The following PEMT variants were observed in gnomAD, a reference collection of about 807,000 sequenced individuals.
PEMT encodes the protein phospholipid methyltransferase.
A neutral mutation model predicts 27.4 loss-of-function variants in PEMT; 23 were observed. The observed-to-expected ratio is 0.84, with a 90% CI of 0.60 to 1.19. PEMT has a LOEUF of 1.19. PEMT is among the 50% of genes most tolerant of loss of function. The pLI is 0.00. For missense variants in PEMT, 307 were observed against 310.1 expected (o/e 0.99, Z 0.07); for synonymous variants, 137 against 139.1 (o/e 0.98, Z 0.11).
At chr17:17,577,055 C>G (rs2142744415) in intron 1 of PEMT, 28 bp from the exon 2 acceptor site, 1 of 1,539,748 alleles carries the variant, frequency 6.5e-7, no homozygotes, top group Non-Finnish European at 9.0e-7. Context: ...GCATCAGCAC[C>G]ACCCAGACAC....
At chr17:17,563,855 G>T (rs1910651297) in intron 2 of PEMT, among the ~76,000 whole-genome samples, 1 of 152,180 alleles carries the variant, frequency 6.6e-6, no homozygotes, top group Non-Finnish European at 1.5e-5. Context: ...ACCCAGGAGT[G>T]GGGCACAGTC....
At chr17:17,540,406 G>A (rs1261812464) in intron 2 of PEMT, among the ~76,000 whole-genome samples, 5 of 152,194 alleles carry the variant, frequency 3.3e-5, no homozygotes, top group Non-Finnish European at 5.9e-5. Context: ...ACACGTGAGG[G>A]AGGGTGGCCA....
At chr17:17,510,442 G>A (rs890465727) in intron 4 of PEMT, among the ~76,000 whole-genome samples, 7 of 152,208 alleles carry the variant, frequency 4.6e-5, no homozygotes, top group South Asian at 2.1e-4. Flanking sequence ...CATCCAAGGC[G>A]GAAAGTAGGG....
chr17:17,510,331 C>T (rs1354469485), intron 4 of PEMT, among the ~76,000 whole-genome samples: 1 of 152,186 alleles, frequency 6.6e-6, no homozygotes, highest in Non-Finnish European at 1.5e-5. Context: ...TCCCACTGGA[C>T]ACAGAGTAAC....
chr17:17,544,450 T>C (rs1909107295), intron 2 of PEMT, among the ~76,000 whole-genome samples: 1 of 151,932 alleles, frequency 6.6e-6, no homozygotes, highest in African/African-American at 2.4e-5. Flanking sequence ...CCAGCTAATT[T>C]TCGTATTTGT....
intron 2 of PEMT, among the ~76,000 whole-genome samples, chr17:17,543,166 C>T (rs1239221427): frequency 2.0e-5 from 3 of 152,234 alleles, no homozygotes; most frequent in South Asian, 2.1e-4. Context: ...GGAGAAGCCA[C>T]GTCGTGTCCT....
intron 2 of PEMT, among the ~76,000 whole-genome samples, chr17:17,566,002 C>T (rs1910803127): frequency 6.6e-6 from 1 of 152,218 alleles, no homozygotes; most frequent in Non-Finnish European, 1.5e-5. Context: ...GGCCTTGTTG[C>T]ACCTCTGAGC....
At chr17:17,574,209 C>T (rs189510129) in intron 2 of PEMT, among the ~76,000 whole-genome samples, 2 of 122,584 alleles carry the variant, frequency 1.6e-5, no homozygotes, top group East Asian at 2.7e-4. Context: ...CAGTGAAAAA[C>T]TATCTCAAAA....
intron 2 of PEMT, among the ~76,000 whole-genome samples, chr17:17,526,672 T>C (rs1379820516): frequency 1.3e-5 from 2 of 152,340 alleles, no homozygotes; most frequent in African/African-American, 4.8e-5. Context: ...AGCTCCGGCC[T>C]CTGTCTCCAC....
At chr17:17,591,801 TG>T, upstream of PEMT, 1 of 1,421,752 alleles carries the variant, frequency 7.0e-7, no homozygotes, top group African/African-American at 1.4e-5. Flanking sequence ...CCTCTTTATC[TG>T]GGGGCTCGCG....
At chr17:17,516,389 A>C (rs70963028) in intron 3 of PEMT, among the ~76,000 whole-genome samples, 6 of 152,048 alleles carry the variant, frequency 3.9e-5, no homozygotes, top group East Asian at 1.9e-4. Context: ...GCATTTGAAT[A>C]ACACGTCACC....
intron 1 of PEMT, among the ~76,000 whole-genome samples, chr17:17,586,630 G>A (rs1912330115): frequency 1.3e-5 from 2 of 152,202 alleles, no homozygotes; most frequent in South Asian, 4.1e-4. Flanking sequence ...AAACCCTGTG[G>A]GATGCGGCTA....
At chr17:17,517,333 A>G (rs1205160634) in intron 3 of PEMT, among the ~76,000 whole-genome samples, 1 of 152,260 alleles carries the variant, frequency 6.6e-6, no homozygotes, top group South Asian at 2.1e-4. Flanking sequence ...CCCAGTCCAC[A>G]GACTCTTTAA....
chr17:17,510,089 C>T (rs1010298651), intron 4 of PEMT, among the ~76,000 whole-genome samples: 3 of 152,162 alleles, frequency 2.0e-5, no homozygotes, highest in African/African-American at 7.2e-5. Context: ...GGCCACAGCA[C>T]GCCTCCCGTT....
chr17:17,538,652 A>G (rs1183635164), intron 2 of PEMT, among the ~76,000 whole-genome samples: 2 of 152,244 alleles, frequency 1.3e-5, no homozygotes, highest in Non-Finnish European at 2.9e-5. Context: ...GAGGCTTTCT[A>G]CTGCATTTAT....
At chr17:17,577,938 A>G (rs958649007) in intron 1 of PEMT, among the ~76,000 whole-genome samples, 1 of 150,048 alleles carries the variant, frequency 6.7e-6, no homozygotes, top group Non-Finnish European at 1.5e-5. Flanking sequence ...AATGGCATGA[A>G]CCTGGGAGGC....
chr17:17,527,620 G>A (rs1042727418), intron 2 of PEMT, among the ~76,000 whole-genome samples: 2 of 152,208 alleles, frequency 1.3e-5, no homozygotes. Flanking sequence ...CCCATGAAAT[G>A]CCTGGAACGA....
In PEMT at chr17:17,510,654, C is replaced by T. The variant is rs572570879; in HGVS notation, c.467-1109G>A. 1.6e-4 allele frequency among the ~76,000 whole-genome samples: 24 copies of T among 152,332 alleles called. No homozygotes were observed. The South Asian group carries it at 2.7e-3, about 17-fold the overall frequency. ...GAAGTGACCACCTTTGCCTACATAC[C>T]GCGCTGCTGGTCCTCGGTGTTTCTA... On this transcript the variant is annotated intron_variant, in intron 4 of 6. Coordinates refer to ENST00000255389, the MANE Select transcript of PEMT (RefSeq NM_148172.3).
intron 2 of PEMT, among the ~76,000 whole-genome samples, chr17:17,553,599 C>T (rs1909824010): frequency 6.6e-6 from 1 of 152,192 alleles, no homozygotes; most frequent in Non-Finnish European, 1.5e-5. Flanking sequence ...CACGATGGGC[C>T]CGCGTCCACC....
Sources: gnomAD v4.1 joint callset for allele counts (sites outside exome capture counted in the v4.1 genomes callset) on GRCh38, gnomAD v4.1.1 for gene constraint, MANE v1.5 for transcripts, NCBI Gene and HGNC (gene_info 2026-07-23, HGNC 2026-07-21) for gene names.